The following KIF13B variants were observed in gnomAD, a reference collection of about 807,000 sequenced individuals.
KIF13B encodes kinesin family member 13B, also known as kinesin-like protein KIF13B.
A neutral mutation model predicts 222.0 loss-of-function variants in KIF13B; 127 were observed. That is an observed-to-expected ratio of 0.57 (90% CI 0.50 to 0.66). The LOEUF is 0.66. Among genes scored for constraint, KIF13B ranks in the 30% least tolerant of loss-of-function variants. The probability of loss-of-function intolerance (pLI) is 0.00; values close to 1 mark genes in which losing one functional copy is unlikely to be tolerated. For missense variants in KIF13B, 2,173 were observed against 2,379.0 expected (o/e 0.91, Z 1.80); for synonymous variants, 976 against 919.0 (o/e 1.06, Z -1.12).
intron 1 of KIF13B, among the ~76,000 whole-genome samples, chr8:29,252,637 A>G (rs4732922): frequency 0.28 from 42,423 of 152,084 alleles, 7,452 homozygotes; most frequent in East Asian, 0.64. Flanking sequence ...ATGTGATCCT[A>G]TTTTCAACCA....
intron 16 of KIF13B, among the ~76,000 whole-genome samples, chr8:29,148,192 G>A (rs1048281786): frequency 5.3e-5 from 8 of 152,164 alleles, no homozygotes; most frequent in South Asian, 2.1e-4. Flanking sequence ...GCGACAGAGC[G>A]AGACTCTCTC....
At chr8:29,223,627 A>G (rs1217050615) in intron 2 of KIF13B, among the ~76,000 whole-genome samples, 1 of 152,270 alleles carries the variant, frequency 6.6e-6, no homozygotes, top group Non-Finnish European at 1.5e-5. Context: ...TGATAAAGAT[A>G]GTGTATTCCT....
Position 29,108,199 on chromosome 8 carries a change from A to G in KIF13B, c.4162-7T>C. Reference sequence around the variant, plus strand: ...CTTGTCGGCTTCCAGACAACTGAAGAAGAAAGAAAGGGGGGTTAGTTATTT... The same window carrying G: ...CTTGTCGGCTTCCAGACAACTGAAGGAGAAAGAAAGGGGGGTTAGTTATTT... On this transcript the variant is annotated splice_region_variant and splice_polypyrimidine_tract_variant and intron_variant, in intron 34 of 39. Coordinates refer to ENST00000524189, the MANE Select transcript of KIF13B (RefSeq NM_015254.4). 9 of 1,610,036 alleles carry G rather than the reference A, an allele frequency of 5.6e-6. No homozygotes were observed. Among genetic ancestry groups the G allele is most frequent in the African/African-American group, 2.7e-5 (2 of 73,940 alleles).
intron 10 of KIF13B, among the ~76,000 whole-genome samples, chr8:29,174,421 A>G (rs1247027948): frequency 6.6e-6 from 1 of 152,218 alleles, no homozygotes; most frequent in Non-Finnish European, 1.5e-5. Context: ...TGTTTGAGAC[A>G]GGAAAGAAAA....
intron 26 of KIF13B, 68 bp downstream of exon 26, chr8:29,126,414 T>A: frequency 2.9e-6 from 3 of 1,017,236 alleles, no homozygotes; most frequent in Non-Finnish European, 4.5e-6. Context: ...TATAGCCAGA[T>A]CCAGGAATGT....
At chr8:29,182,769 G>C (rs140924652) in intron 6 of KIF13B, among the ~76,000 whole-genome samples, 1 of 151,984 alleles carries the variant, frequency 6.6e-6, no homozygotes, top group Admixed American at 6.6e-5. Context: ...AGGGTACAAA[G>C]TTTCTGTTAG....
At chr8:29,146,910 C>G (rs998454160) in intron 17 of KIF13B, among the ~76,000 whole-genome samples, 1 of 152,154 alleles carries the variant, frequency 6.6e-6, no homozygotes, top group African/African-American at 2.4e-5. Flanking sequence ...GCAGACCAAA[C>G]TTTAAATAGT....
rs1318694290 is a variant in KIF13B at position 29,070,883 on chromosome 8, A to C, written c.5219-117T>G. 6.2e-6 allele frequency: 7 copies of C among 1,120,780 alleles called. No individual in the cohort carries two copies. Among genetic ancestry groups the C allele is most frequent in the African/African-American group, 3.2e-5 (2 of 62,410 alleles). The allele number at this position is 1,120,780 out of a possible 1,614,324, so 69.4% of individuals were successfully genotyped here. On this transcript the variant is annotated intron_variant, in intron 39 of 39. Coordinates refer to ENST00000524189, the MANE Select transcript of KIF13B (RefSeq NM_015254.4). The surrounding 1 kb of genome is among the most constrained non-coding windows in gnomAD (Gnocchi z 4.1). ...ACTGCCACCCCCCCGCACAGGCCCT[A>C]CACAGCCAGCACTCGGACACTGGCC...
chr8:29,243,586 G>A (rs913960296), intron 2 of KIF13B, among the ~76,000 whole-genome samples: 4 of 151,818 alleles, frequency 2.6e-5, no homozygotes, highest in Admixed American at 1.3e-4. Flanking sequence ...AGCCCAGGAA[G>A]CGGAGGCTGG....
Position 29,116,941 on chromosome 8 carries a change from C to G in KIF13B, c.3727G>C (p.Val1243Leu). 1.2e-6 allele frequency: 2 copies of G among 1,612,384 alleles called. No individual in the cohort carries two copies. The highest frequency in any genetic ancestry group is 2.2e-5 in the South Asian group (2 of 90,878). ...GCPQLSRGTP[V>L]DERLFLIVRV... is the part of the protein sequence containing the mutation. The stretch of plus-strand genomic sequence containing the variant: ...ACGATCAGGAACAACCGCTCGTCCA[C>G]GGGCGTGCCCCTGCTGAGCTGAGGG... The change falls in exon 31 of 40, where the codon GTG becomes CTG. Residue 1243 changes from valine to leucine, a missense_variant. Around this residue, in one of 2 missense-constraint regions of KIF13B, gnomAD observed 1,480 missense variants for 1,722.8 expected, o/e 0.86. Coordinates refer to ENST00000524189, the MANE Select transcript of KIF13B (RefSeq NM_015254.4).
At chr8:29,140,782 GCTGTATTACTCCC>G (rs1227928172) in intron 19 of KIF13B, 165 bp from the exon 20 acceptor site, 2 of 623,222 alleles carry the variant, frequency 3.2e-6, no homozygotes, top group Non-Finnish European at 5.5e-6. Context: ...AAAGCACAGC[GCTGTATTACTCCC>G]ATACACACTC....
intron 14 of KIF13B, among the ~76,000 whole-genome samples, chr8:29,152,337 C>T (rs1811334710): frequency 6.6e-6 from 1 of 152,160 alleles, no homozygotes; most frequent in Non-Finnish European, 1.5e-5. Context: ...TCGAAGAAAA[C>T]TGATTCCAAT....
chr8:29,125,481 T>A (rs4732663), intron 26 of KIF13B, among the ~76,000 whole-genome samples: 1 of 152,100 alleles, frequency 6.6e-6, no homozygotes, highest in Non-Finnish European at 1.5e-5. Context: ...ATCCGAAGAA[T>A]AGTGATTAAT....
intron 31 of KIF13B, among the ~76,000 whole-genome samples, chr8:29,115,379 T>C (rs956600100): frequency 6.7e-6 from 1 of 149,598 alleles, no homozygotes; most frequent in Admixed American, 6.7e-5. Flanking sequence ...CAGGCTGGAG[T>C]GCAACGGTGC....
At chr8:29,255,411 C>T (rs1212419263) in intron 1 of KIF13B, among the ~76,000 whole-genome samples, 1 of 152,118 alleles carries the variant, frequency 6.6e-6, no homozygotes, top group Non-Finnish European at 1.5e-5. Flanking sequence ...TCACCCAATT[C>T]CTCCTACTTT....
At chr8:29,095,394 A>C (rs750980225) in intron 36 of KIF13B, among the ~76,000 whole-genome samples, 8 of 152,252 alleles carry the variant, frequency 5.3e-5, no homozygotes, top group Non-Finnish European at 1.2e-4. Context: ...AATATTCTTA[A>C]AACAACAACA....
chr8:29,089,701 C>T (rs768777545), intron 37 of KIF13B, among the ~76,000 whole-genome samples: 4 of 151,944 alleles, frequency 2.6e-5, no homozygotes, highest in Non-Finnish European at 5.9e-5. Context: ...CGAGACCAGC[C>T]TTGCCAACAT....
intron 10 of KIF13B, among the ~76,000 whole-genome samples, chr8:29,172,040 C>T (rs1324627675): frequency 6.7e-6 from 1 of 148,300 alleles, no homozygotes; most frequent in Non-Finnish European, 1.5e-5. Flanking sequence ...TTACAGGCCT[C>T]AGTGAGCCCC....
chr8:29,097,974 A>C (rs1808610844), intron 36 of KIF13B, among the ~76,000 whole-genome samples: 1 of 151,620 alleles, frequency 6.6e-6, no homozygotes. Context: ...GATAGAGACC[A>C]ACCTGGCTAA....
Sources: allele counts gnomAD v4.1 joint callset (sites outside exome capture counted in the v4.1 genomes callset), GRCh38; gene constraint gnomAD v4.1.1; regional missense constraint gnomAD v4.1.1; non-coding constraint Gnocchi (gnomAD v3.1); transcripts MANE v1.5; gene names NCBI Gene and HGNC (gene_info 2026-07-23, HGNC 2026-07-21).